Variants in TASOR2 observed in about 807,000 individuals in gnomAD.
TASOR2 encodes protein TASOR 2.
TASOR2 carries 84 observed loss-of-function variants against 199.5 expected under a neutral mutation model. The ratio of observed to expected loss-of-function variants is 0.42; its 90% CI spans 0.35 to 0.50. The LOEUF (loss-of-function observed/expected upper bound fraction) is 0.50. Among genes scored for constraint, TASOR2 ranks in the 20% least tolerant of loss-of-function variants. The pLI is 0.02. For missense variants in TASOR2, 2,796 were observed against 2,835.9 expected (o/e 0.99, Z 0.32); for synonymous variants, 1,103 against 1,046.6 (o/e 1.05, Z -1.04).
chr10:5,746,166 T>TTTTTTTTTTTTTTTTG lies in TASOR2; in HGVS notation c.2758-12_2758-11insTTTTTTTTTTTTTTGT. 6.6e-7 allele frequency: 1 copy of TTTTTTTTTTTTTTTTG among 1,509,764 alleles called. No homozygotes were observed. Among genetic ancestry groups the TTTTTTTTTTTTTTTTG allele is most frequent in the Non-Finnish European group, 8.9e-7 (1 of 1,129,800 alleles). The allele number at this position is 1,509,764 out of a possible 1,614,324, so 93.5% of individuals were successfully genotyped here. A position where few individuals can be genotyped will look rare whatever the true frequency, so the allele number is the denominator to read the frequency against. On this transcript the variant is annotated splice_polypyrimidine_tract_variant and intron_variant, in intron 14 of 20. Transcript: ENST00000328090. ...TGACTGATTTTTTTTTTTTTTTACT[T>TTTTTTTTTTTTTTTTG]TGGCCGTTTCAGGTAACTGGGGAAG...
Position 5,717,229 on chromosome 10 carries a change from C to T in TASOR2, c.-191-430C>T, listed in dbSNP as rs370136797. On this transcript the variant is annotated intron_variant, in intron 2 of 20. Transcript: ENST00000328090. Reference sequence around the variant, plus strand: ...CTTGTATGTCTTTTGTAATTTTTGGCTTGACTAGAACTGGATAATTTTGTG... The same window carrying T: ...CTTGTATGTCTTTTGTAATTTTTGGTTTGACTAGAACTGGATAATTTTGTG... 1.5e-4 allele frequency among the ~76,000 whole-genome samples: 23 copies of T among 152,138 alleles called. No homozygotes were observed. The East Asian group carries it at 2.7e-3, about 18-fold the overall frequency.
chr10:5,762,827 C>A, intron 20 of TASOR2, 181 bp downstream of exon 21: 1 of 631,146 alleles, frequency 1.6e-6, no homozygotes, highest in Non-Finnish European at 2.7e-6. Context: ...CCTAAATTAT[C>A]ACTAAATGAA....
rs1382916123 is a variant in TASOR2, at chr10:5,754,574, G to A, written c.6607-2039G>A. Among the ~76,000 whole-genome samples the A allele has an allele frequency of 6.6e-6, 1 of 152,044 alleles. No individual in the cohort carries two copies. The highest frequency in any genetic ancestry group is 1.5e-5 in the Non-Finnish European group (1 of 68,012). ...CTGGCTAATTTTTGTATTTTTAGTA[G>A]AGATGGGGTTTCACCATGTTGGCCA... On this transcript the variant is annotated intron_variant, in intron 15 of 20. Transcript: ENST00000328090. The surrounding 1 kb of genome is among the most constrained non-coding windows in gnomAD (Gnocchi z 4.3).
chr10:5,719,366 C>T lies in TASOR2; in HGVS notation c.-99-1178C>T, dbSNP rs775753883. The stretch of plus-strand genomic sequence containing the variant: ...TTTTTTGTTTGTTTGTTTTTTGAGA[C>T]AGAGTCTTGCTCTGTTGCCAGGCTG... On this transcript the variant is annotated intron_variant, in intron 3 of 20. Transcript: ENST00000328090. The surrounding 1 kb of genome is among the most constrained non-coding windows in gnomAD (Gnocchi z 4.1). 2.6e-5 allele frequency among the ~76,000 whole-genome samples: 4 copies of T among 152,022 alleles called. No homozygotes were observed. The highest frequency in any genetic ancestry group is 5.9e-5 in the Non-Finnish European group (4 of 68,004).
At chr10:5,721,564 A>C (rs945752747) in intron 6 of TASOR2, among the ~76,000 whole-genome samples, 1 of 151,838 alleles carries the variant, frequency 6.6e-6, no homozygotes, top group African/African-American at 2.4e-5. Flanking sequence ...GGCCTTTTTT[A>C]AGAAGAGGTA....
At chr10:5,762,963 C>A in intron 20 of TASOR2, 66 bp from the exon 22 acceptor site, 1 of 1,492,956 alleles carries the variant, frequency 6.7e-7, no homozygotes, top group East Asian at 2.4e-5. Context: ...TAGAGCATCC[C>A]GCTTATAAAA....
chr10:5,759,730 C>T lies in TASOR2; in HGVS notation c.6992+738C>T, dbSNP rs142259767. ...AAGCTGGGTTTCAATCCCAGAAAGACGAAACGACTGTTAGCTGTATGTGAC... is the reference window on the plus strand; with the variant it reads ...AAGCTGGGTTTCAATCCCAGAAAGATGAAACGACTGTTAGCTGTATGTGAC... On this transcript the variant is annotated intron_variant, in intron 18 of 20. Coordinates refer to ENST00000328090, the Ensembl canonical transcript of TASOR2. 2.6e-3 allele frequency among the ~76,000 whole-genome samples: 392 copies of T among 152,328 alleles called. 2 individuals are homozygous for T. The highest frequency in any genetic ancestry group is 4.0e-3 in the Non-Finnish European group (269 of 68,028).
At position 5,687,567 on chromosome 10, in the gene TASOR2, C is replaced by T. The variant is rs992139585; in HGVS notation, c.-288+2392C>T. 1.3e-5 allele frequency among the ~76,000 whole-genome samples: 2 copies of T among 152,256 alleles called. No homozygotes were observed. Among genetic ancestry groups the T allele is most frequent in the African/African-American group, 4.8e-5 (2 of 41,464 alleles). On this transcript the variant is annotated intron_variant, in intron 1 of 20. Coordinates refer to ENST00000328090, the Ensembl canonical transcript of TASOR2. This position sits in a 1 kb window ranked among gnomAD's most constrained non-coding sequence, Gnocchi z 4.8. ...AGGTACGGTGGCCCACGCCTGTAAT[C>T]CCAGCACTTTGGGAGGCCAAGGCAG...
In TASOR2 at chr10:5,740,000, C is replaced by CT; in HGVS notation, c.1832dup (p.Leu611PhefsTer4). On this transcript the variant is annotated frameshift_variant, in exon 13 of 21. Transcript: ENST00000328090. LOFTEE classifies it high-confidence loss of function. Reference sequence around the variant, plus strand: ...ATAGGAAGAGTAATTCTGGATCAGACTTAACAGTTAGCCAAGATGAAGAAA... The same window carrying CT: ...ATAGGAAGAGTAATTCTGGATCAGACTTTAACAGTTAGCCAAGATGAAGAAA... 6.2e-7 allele frequency: 1 copy of CT among 1,614,128 alleles called. No individual in the cohort carries two copies. The highest frequency in any genetic ancestry group is 1.1e-5 in the South Asian group (1 of 91,090).
intron 1 of TASOR2, among the ~76,000 whole-genome samples, chr10:5,708,599 T>TCTTC (rs1399384181): frequency 1.6e-5 from 2 of 127,502 alleles, no homozygotes; most frequent in Non-Finnish European, 3.3e-5. Flanking sequence ...TTTCTCTATC[T>TCTTC]CTTCCTTCCT....
chr10:5,707,620 AATG>A (rs1376857148), intron 1 of TASOR2, among the ~76,000 whole-genome samples: 1 of 151,802 alleles, frequency 6.6e-6, no homozygotes, highest in African/African-American at 2.4e-5. Context: ...GAATTACCAT[AATG>A]ATCTTAGAGT....
Position 5,728,771 on chromosome 10 carries a change from G to A in TASOR2, c.487+1648G>A, listed in dbSNP as rs996458512. 1.1e-4 allele frequency among the ~76,000 whole-genome samples: 16 copies of A among 152,304 alleles called. No individual in the cohort carries two copies. In the East Asian group the frequency reaches 3.1e-3, roughly 29 times the overall value. On this transcript the variant is annotated intron_variant, in intron 10 of 20. Coordinates refer to ENST00000328090, the Ensembl canonical transcript of TASOR2. ...TCAAGCATTTATCATGTCAGGTTTTGTGGTGGAAGTAATGGACTTAGCAAT... is the reference window on the plus strand; with the variant it reads ...TCAAGCATTTATCATGTCAGGTTTTATGGTGGAAGTAATGGACTTAGCAAT...
rs575275111 is a variant in TASOR2 at position 5,737,189 on chromosome 10, A to C, written c.1447+1643A>C. On this transcript the variant is annotated intron_variant, in intron 12 of 20. Transcript: ENST00000328090. The surrounding 1 kb of genome is among the most constrained non-coding windows in gnomAD (Gnocchi z 4.9). The stretch of plus-strand genomic sequence containing the variant: ...TGGCCAGGATAGTCTCAACTTCTTG[A>C]CCTCTTGACCTCATGCTCTGCCTGC... 1.3e-5 allele frequency among the ~76,000 whole-genome samples: 2 copies of C among 150,750 alleles called. No individual in the cohort carries two copies. The highest frequency in any genetic ancestry group is 2.1e-4 in the South Asian group (1 of 4,736).
exon 15 of TASOR2, chr10:5,747,102 A>G: frequency 6.2e-7 from 1 of 1,614,176 alleles, no homozygotes. Context: ...TTTCGTCAGG[A>G]TGCCACACAT....
At chr10:5,704,864 T>A (rs1486091505) in intron 1 of TASOR2, among the ~76,000 whole-genome samples, 3 of 152,192 alleles carry the variant, frequency 2.0e-5, no homozygotes, top group African/African-American at 7.2e-5. Context: ...CTTTTGAGAT[T>A]AACTTTTTAT....
At chr10:5,756,493 C>G in intron 15 of TASOR2, 120 bp from the exon 17 acceptor site, 3 of 930,832 alleles carry the variant, frequency 3.2e-6, no homozygotes, top group Non-Finnish European at 4.6e-6. Context: ...AGTAATAAGA[C>G]AAATTGTCAT....
intron 6 of TASOR2, 41 bp from the exon 8 acceptor site, chr10:5,723,636 C>A: frequency 8.2e-7 from 1 of 1,225,708 alleles, no homozygotes; most frequent in Non-Finnish European, 1.1e-6. Context: ...TTTAGATCCA[C>A]TGTTTATTAT....
chr10:5,746,111 TAC>T (rs1285175341), intron 14 of TASOR2, 66 bp from the exon 16 acceptor site: 9 of 1,442,666 alleles, frequency 6.2e-6, no homozygotes, highest in Non-Finnish European at 8.3e-6. Context: ...TCTTCACATG[TAC>T]ATATAATCGT....
chr10:5,741,419 T>C (rs2669135), intron 13 of TASOR2, among the ~76,000 whole-genome samples: 129,282 of 152,174 alleles, frequency 0.85, 54,990 homozygotes, highest in African/African-American at 0.88. Context: ...GGCTTTCTTC[T>C]ATACACCTGT....
Sources: gnomAD v4.1 joint callset for allele counts (sites outside exome capture counted in the v4.1 genomes callset) on GRCh38, gnomAD v4.1.1 for gene constraint, Gnocchi (gnomAD v3.1) non-coding constraint, MANE v1.5 for transcripts, NCBI Gene and HGNC (gene_info 2026-07-23, HGNC 2026-07-21) for gene names.